ZNF385D: variants seen among roughly 807,000 people sequenced by gnomAD.
ZNF385D encodes zinc finger protein 385D, also known as zinc finger protein 659.
In ZNF385D, 15 loss-of-function variants were observed where a neutral mutation model predicts 35.8. The observed-to-expected ratio is 0.42, with a 90% CI of 0.28 to 0.64. The LOEUF (loss-of-function observed/expected upper bound fraction) is 0.64, where lower values mean the gene tolerates loss of function less well. ZNF385D is among the 30% of genes least tolerant of loss of function. The pLI is 0.23. For missense variants in ZNF385D, 474 were observed against 494.6 expected, an observed-to-expected ratio of 0.96 and a Z score of 0.39; for synonymous variants, 212 against 186.8, an observed-to-expected ratio of 1.13 and a Z score of -1.10.
chr3:21,636,488 G>C (rs753316506), intron 2 of ZNF385D, among the ~76,000 whole-genome samples: 2 of 147,292 alleles, frequency 1.4e-5, no homozygotes, highest in Non-Finnish European at 3.0e-5. Context: ...GAGAAGCGAA[G>C]AAGAAGCCAG....
At chr3:21,708,987 A>G (rs918767666) in intron 1 of ZNF385D, among the ~76,000 whole-genome samples, 2 of 152,142 alleles carry the variant, frequency 1.3e-5, no homozygotes, top group African/African-American at 4.8e-5. Flanking sequence ...GAAAGCTTCC[A>G]TGGTAGAAGA....
At chr3:22,190,795 CTT>C (rs1695968083) in intron 2 of ZNF385D, among the ~76,000 whole-genome samples, 2 of 151,668 alleles carry the variant, frequency 1.3e-5, no homozygotes, top group South Asian at 4.2e-4. Flanking sequence ...TTTTTTTCCT[CTT>C]TACACTAGAT....
chr3:21,708,614 C>T lies in ZNF385D; in HGVS notation c.22+42281G>A, dbSNP rs116021941. Among the ~76,000 whole-genome samples, 632 of 152,248 alleles carry T rather than the reference C, an allele frequency of 4.2e-3. 7 individuals are homozygous for T. Among genetic ancestry groups the T allele is most frequent in the African/African-American group, 0.014 (577 of 41,544 alleles). ...TACTAAATTTTAAAAGATGCTTTCA[C>T]TCCTTATCATTTTCTATGTTTTTAC... On this transcript the variant is annotated intron_variant, in intron 1 of 7. Transcript: ENST00000281523.
At chr3:21,958,010 T>G (rs1702380232) in intron 3 of ZNF385D, among the ~76,000 whole-genome samples, 3 of 152,146 alleles carry the variant, frequency 2.0e-5, no homozygotes, top group African/African-American at 4.8e-5. Flanking sequence ...TCACCGCCAG[T>G]GTGCCCGAGT....
chr3:22,314,962 G>C (rs1318675138), intron 2 of ZNF385D, among the ~76,000 whole-genome samples: 1 of 152,110 alleles, frequency 6.6e-6, no homozygotes, highest in African/African-American at 2.4e-5. Context: ...TAAGGGTTAA[G>C]AAAATATGGG....
intron 3 of ZNF385D, among the ~76,000 whole-genome samples, chr3:22,080,037 G>C (rs958932453): frequency 6.6e-6 from 1 of 152,042 alleles, no homozygotes; most frequent in African/African-American, 2.4e-5. Context: ...TTTCCTGGTA[G>C]ACTGCCAACC....
intron 2 of ZNF385D, among the ~76,000 whole-genome samples, chr3:22,215,341 T>A (rs1235853040): frequency 1.3e-5 from 2 of 152,094 alleles, no homozygotes; most frequent in South Asian, 4.1e-4. Context: ...ATATTTCTCT[T>A]CTTTCAAAAG....
chr3:21,993,034 A>G (rs1434842677), intron 3 of ZNF385D, among the ~76,000 whole-genome samples: 1 of 152,206 alleles, frequency 6.6e-6, no homozygotes, highest in Non-Finnish European at 1.5e-5. Flanking sequence ...ATTTAACTGC[A>G]TCCTTGCCAA....
chr3:22,076,043 C>A (rs1434920596), intron 3 of ZNF385D, among the ~76,000 whole-genome samples: 1 of 151,926 alleles, frequency 6.6e-6, no homozygotes, highest in Non-Finnish European at 1.5e-5. Context: ...TTGTCTCCCC[C>A]ATTACCAACT....
At chr3:22,067,074 C>T (rs2125554466) in intron 3 of ZNF385D, among the ~76,000 whole-genome samples, 1 of 152,254 alleles carries the variant, frequency 6.6e-6, no homozygotes, top group East Asian at 1.9e-4. Context: ...TAATGTTCTT[C>T]CTTTCCAATT....
At chr3:21,505,753 T>G (rs2125451301) in intron 4 of ZNF385D, among the ~76,000 whole-genome samples, 1 of 152,222 alleles carries the variant, frequency 6.6e-6, no homozygotes, top group African/African-American at 2.4e-5. Context: ...TGTTTCAGCT[T>G]TTGACTCAAA....
Position 22,164,730 on chromosome 3 carries a change from T to C in ZNF385D, c.325+4087A>G, listed in dbSNP as rs963290821. Among the ~76,000 whole-genome samples, 7 of 152,118 alleles carry C rather than the reference T, an allele frequency of 4.6e-5. No individual in the cohort carries two copies. In the East Asian group the frequency reaches 9.7e-4, roughly 21 times the overall value. ...TTAATTACAACACCCTTTCACCTGATAATCATCAGAAAAGTATGATATAGC... is the reference window on the plus strand; with the variant it reads ...TTAATTACAACACCCTTTCACCTGACAATCATCAGAAAAGTATGATATAGC... On this transcript the variant is annotated intron_variant, in intron 3 of 5. Coordinates refer to the ZNF385D transcript ENST00000494108.
At chr3:21,850,220 A>G (rs2125807631) in intron 3 of ZNF385D, among the ~76,000 whole-genome samples, 1 of 152,134 alleles carries the variant, frequency 6.6e-6, no homozygotes, top group East Asian at 1.9e-4. Context: ...AACTTGTTCC[A>G]CATTAGCCCT....
chr3:22,291,345 G>T (rs571372791), intron 2 of ZNF385D, among the ~76,000 whole-genome samples: 8 of 152,100 alleles, frequency 5.3e-5, no homozygotes, highest in African/African-American at 1.7e-4. Context: ...CCCATTTTCT[G>T]CCCCTATGAG....
intron 3 of ZNF385D, chr3:21,959,033 T>A (rs373065611): frequency 3.1e-4 from 47 of 152,306 alleles, no homozygotes; most frequent in African/African-American, 1.0e-3. Flanking sequence ...AGGTTTCTGG[T>A]ATTTGTTGTT....
chr3:21,813,533 G>A (rs1036251161), intron 3 of ZNF385D, among the ~76,000 whole-genome samples: 2 of 152,148 alleles, frequency 1.3e-5, no homozygotes, highest in African/African-American at 2.4e-5. Flanking sequence ...GAAAACCATG[G>A]CACGAGAATT....
chr3:22,337,505 G>A (rs191512733), intron 2 of ZNF385D, among the ~76,000 whole-genome samples: 1 of 152,250 alleles, frequency 6.6e-6, no homozygotes, highest in East Asian at 1.9e-4. Context: ...CTGCACTCCA[G>A]CCTGGGCAAC....
chr3:22,040,434 A>G (rs1260483183), intron 3 of ZNF385D, among the ~76,000 whole-genome samples: 2 of 152,172 alleles, frequency 1.3e-5, no homozygotes, highest in African/African-American at 4.8e-5. Flanking sequence ...TTACAGATCA[A>G]GGGTTGCAAG....
At chr3:22,102,930 C>T (rs1421411859) in intron 3 of ZNF385D, among the ~76,000 whole-genome samples, 1 of 149,020 alleles carries the variant, frequency 6.7e-6, no homozygotes, top group Non-Finnish European at 1.5e-5. Context: ...CACGTATGTC[C>T]CTCACTCCCC....
Sources: allele counts gnomAD v4.1 joint callset (sites outside exome capture counted in the v4.1 genomes callset), GRCh38; gene constraint gnomAD v4.1.1; transcripts MANE v1.5; gene names NCBI Gene and HGNC (gene_info 2026-07-23, HGNC 2026-07-21).